The following TDRKH variants were observed in gnomAD, a reference collection of about 807,000 sequenced individuals.
TDRKH encodes tudor and KH domain-containing protein.
A neutral mutation model predicts 61.3 loss-of-function variants in TDRKH; 28 were observed. The ratio of observed to expected loss-of-function variants is 0.46; its 90% CI spans 0.34 to 0.63. TDRKH has a LOEUF of 0.63. Ranked by LOEUF, TDRKH falls within the 20% of genes least tolerant of loss-of-function variation. TDRKH has a pLI of 0.01. For synonymous variants in TDRKH, 219 were observed against 244.4 expected, an observed-to-expected ratio of 0.90 and a Z score of 0.97; for missense variants, 540 against 683.4, an observed-to-expected ratio of 0.79 and a Z score of 2.34.
rs775971621 is a variant in TDRKH, at chr1:151,775,192, G to A, written c.1435-26C>T. 4 of 1,611,632 alleles carry A rather than the reference G, an allele frequency of 2.5e-6. No homozygotes were observed. In the East Asian group the frequency reaches 8.9e-5, roughly 36 times the overall value. ...CTGAGAAGAAAAATGAAAAGGGAAT[G>A]ATGTTCTCTCAGTAAGCAAGGGCAA... On this transcript the variant is annotated intron_variant, in intron 10 of 12. Coordinates refer to ENST00000368824, the MANE Select transcript of TDRKH (RefSeq NM_001083965.2).
downstream of TDRKH, chr1:151,767,543 C>T (rs2101553849): frequency 1.5e-6 from 1 of 680,054 alleles, no homozygotes; most frequent in East Asian, 3.6e-5. Context: ...GTAAAACAAA[C>T]TCTGTAGGAC....
downstream of TDRKH, chr1:151,771,685 G>A: frequency 2.6e-6 from 1 of 378,804 alleles, no homozygotes. Context: ...GGACAGAATA[G>A]GTAACATAGA....
Position 151,774,426 on chromosome 1 carries a change from TG to T in TDRKH, c.*25del. 3 of 1,613,386 alleles carry T rather than the reference TG, an allele frequency of 1.9e-6. No homozygotes were observed. The highest frequency in any genetic ancestry group is 1.7e-6 in the Non-Finnish European group (2 of 1,179,472). The stretch of plus-strand genomic sequence containing the variant: ...AGCTGCACTCACACAGCAAAGCAGA[TG>T]GCTGAGCAAACTGAAGCCCAGACTT... On this transcript the variant is annotated 3_prime_UTR_variant, in exon 13 of 13. Transcript: ENST00000368824.
chr1:151,774,585 T>G, intron 12 of TDRKH, 81 bp from the exon 13 acceptor site: 1 of 1,586,206 alleles, frequency 6.3e-7, no homozygotes, highest in Non-Finnish European at 8.6e-7. Flanking sequence ...AAAAGAAAAA[T>G]GGACCTCTTG....
At chr1:151,770,108 G>C, downstream of TDRKH, 1 of 456,390 alleles carries the variant, frequency 2.2e-6, no homozygotes, top group Non-Finnish European at 3.6e-6. Context: ...TGGGGAGACG[G>C]AGACGGAGAG....
In TDRKH at chr1:151,778,787, T is replaced by G. The variant is rs373525317; in HGVS notation, c.781A>C (p.Met261Leu). ...VTPPPKGGGDMAVVVSKEGSW... is the reference protein window; with the variant it reads ...VTPPPKGGGDLAVVVSKEGSW... ...CCTTCCTTTGACACTACCACAGCCA[T>G]GTCGCCTCCTCCTTTGGGTGGAGGA... The change falls in exon 6 of 13, where the codon ATG becomes CTG. Residue 261 changes from methionine to leucine, a missense_variant. This residue lies in a region of TDRKH where 379 missense variants were observed against 443.8 expected (regional missense o/e 0.85). Coordinates refer to ENST00000368824, the MANE Select transcript of TDRKH (RefSeq NM_001083965.2). The G allele has an allele frequency of 1.2e-6, 2 of 1,614,252 alleles. No individual in the cohort carries two copies. The highest frequency in any genetic ancestry group is 1.7e-6 in the Non-Finnish European group (2 of 1,180,052).
chr1:151,772,684 G>A (rs1158073959), downstream of TDRKH, among the ~76,000 whole-genome samples: 1 of 152,162 alleles, frequency 6.6e-6, no homozygotes, highest in Non-Finnish European at 1.5e-5. Context: ...TCAGAAAGAT[G>A]CTATAAGGAA....
At chr1:151,775,913 C>G (rs753790537) in intron 8 of TDRKH, 29 bp from the exon 9 acceptor site, 1 of 1,607,314 alleles carries the variant, frequency 6.2e-7, no homozygotes, top group Admixed American at 1.7e-5. Flanking sequence ...AAATTAGAAT[C>G]CTGGGGCCAA....
At chr1:151,779,853 G>T (rs1333782754) in intron 4 of TDRKH, 98 bp downstream of exon 4, 1 of 1,288,678 alleles carries the variant, frequency 7.8e-7, no homozygotes, top group Non-Finnish European at 1.1e-6. Context: ...CCCTCACATG[G>T]TGAAGGGGAA....
At chr1:151,779,578 T>C (rs1649546269) in intron 4 of TDRKH, among the ~76,000 whole-genome samples, 1 of 152,232 alleles carries the variant, frequency 6.6e-6, no homozygotes. Context: ...GACATTTCTC[T>C]GCCTCTAACA....
chr1:151,770,769 C>A (rs964041031), downstream of TDRKH, among the ~76,000 whole-genome samples: 5 of 152,194 alleles, frequency 3.3e-5, no homozygotes, highest in Non-Finnish European at 5.9e-5. Flanking sequence ...TATAGGTAGA[C>A]CTCACTAATC....
At chr1:151,779,321 T>C (rs1445648443) in intron 4 of TDRKH, 79 bp from the exon 5 acceptor site, 18 of 1,524,374 alleles carry the variant, frequency 1.2e-5, no homozygotes, top group Middle Eastern at 3.9e-4. Context: ...GTTTTGTATA[T>C]ACTAGGAGAA....
chr1:151,787,808 CAAAAAAAAAAA>C (rs71093211), intron 1 of TDRKH, among the ~76,000 whole-genome samples: 93 of 50,586 alleles, frequency 1.8e-3, no homozygotes, highest in African/African-American at 5.7e-3. Context: ...TCTGTTTCTA[CAAAAAAAAAAA>C]AAAAAAAAAA....
In TDRKH at chr1:151,774,372, T is replaced by C; in HGVS notation, c.*80A>G. 4 of 1,513,208 alleles carry C rather than the reference T, an allele frequency of 2.6e-6. No homozygotes were observed. Among genetic ancestry groups the C allele is most frequent in the Non-Finnish European group, 3.6e-6 (4 of 1,099,228 alleles). The allele number at this position is 1,513,208 out of a possible 1,614,324, so 93.7% of individuals were successfully genotyped here. ...AGCAAGTGCCCCACTGTCGCCCTCATTACTTTCCTGTTGCTACAGATAGAT... is the reference window on the plus strand; with the variant it reads ...AGCAAGTGCCCCACTGTCGCCCTCACTACTTTCCTGTTGCTACAGATAGAT... On this transcript the variant is annotated 3_prime_UTR_variant, in exon 13 of 13. Coordinates refer to ENST00000368824, the MANE Select transcript of TDRKH (RefSeq NM_001083965.2).
chr1:151,772,355 G>T (rs1236171165), downstream of TDRKH, among the ~76,000 whole-genome samples: 1 of 152,120 alleles, frequency 6.6e-6, no homozygotes, highest in African/African-American at 2.4e-5. Context: ...GCCTCCCAAA[G>T]TGTTGGGATT....
intron 1 of TDRKH, among the ~76,000 whole-genome samples, chr1:151,787,655 T>C (rs6694952): frequency 0.82 from 124,081 of 151,780 alleles, 51,036 homozygotes; most frequent in Middle Eastern, 0.91. Flanking sequence ...TACTTGGAAA[T>C]ATTCATAGTC....
rs556707496 is a variant in TDRKH at position 151,786,369 on chromosome 1, C to T, written c.-27-3320G>A. 2.2e-4 allele frequency among the ~76,000 whole-genome samples: 33 copies of T among 152,248 alleles called. 1 individual carries two copies. Among genetic ancestry groups the T allele is most frequent in the Admixed American group, 1.2e-3 (18 of 15,292 alleles). ...AGATGGCTACTAAGTGACTAAGAGG[C>T]GGGTAGCATATACAGCATGGATATG... On this transcript the variant is annotated intron_variant, in intron 1 of 12. Transcript: ENST00000368824.
chr1:151,781,324 A>ATATATATATATATATATATATAT (rs1558145922), intron 3 of TDRKH, among the ~76,000 whole-genome samples, 157 bp downstream of exon 3: 3 of 18,826 alleles, frequency 1.6e-4, no homozygotes, highest in African/African-American at 2.4e-4. Flanking sequence ...TCTCAAAAAA[A>ATATATATATATATATATATATAT]AAAAATATAT....
At chr1:151,771,341 A>C, downstream of TDRKH, 14 of 1,471,624 alleles carry the variant, frequency 9.5e-6, no homozygotes, top group Middle Eastern at 2.6e-4. Flanking sequence ...TCAAGTGTTC[A>C]CGGTTTCTTG....
Sources: gnomAD v4.1 joint callset for allele counts (sites outside exome capture counted in the v4.1 genomes callset) on GRCh38, gnomAD v4.1.1 for gene constraint, gnomAD v4.1.1 regional missense constraint, MANE v1.5 for transcripts, NCBI Gene and HGNC (gene_info 2026-07-23, HGNC 2026-07-21) for gene names.